The following VOPP1 variants were observed in gnomAD, a reference collection of about 807,000 sequenced individuals.
The protein encoded by VOPP1 is WW domain binding protein VOPP1.
In VOPP1, 8 loss-of-function variants were observed where a neutral mutation model predicts 23.5. That is an observed-to-expected ratio of 0.34 (90% CI 0.20 to 0.61). The LOEUF (loss-of-function observed/expected upper bound fraction) is 0.61, where lower values mean the gene tolerates loss of function less well. VOPP1 is among the 20% of genes least tolerant of loss of function. The pLI is 0.78. For missense variants in VOPP1, 174 were observed against 238.1 expected (o/e 0.73, Z 1.77); for synonymous variants, 83 against 97.3 (o/e 0.85, Z 0.86).
chr7:55,479,761 C>G (rs1792563181), intron 4 of VOPP1, among the ~76,000 whole-genome samples: 1 of 152,164 alleles, frequency 6.6e-6, no homozygotes, highest in South Asian at 2.1e-4. Flanking sequence ...TGCAACATCT[C>G]CCGTTCAAAA....
chr7:55,543,384 T>C (rs1608746), intron 1 of VOPP1, among the ~76,000 whole-genome samples: 143,422 of 152,282 alleles, frequency 0.94, 67,927 homozygotes, highest in East Asian at 1. Context: ...ATGCTCATGT[T>C]CTTCCTTGGA....
intron 4 of VOPP1, among the ~76,000 whole-genome samples, chr7:55,447,273 C>T (rs892067060): frequency 1.3e-5 from 2 of 152,156 alleles, no homozygotes; most frequent in Admixed American, 6.5e-5. Context: ...TATCCTGATT[C>T]GGATTGGGGA....
At chr7:55,458,981 T>C (rs981324183) in intron 4 of VOPP1, among the ~76,000 whole-genome samples, 2 of 152,188 alleles carry the variant, frequency 1.3e-5, no homozygotes, top group Non-Finnish European at 2.9e-5. Flanking sequence ...TCTTTCAGCT[T>C]TTCCCCATTT....
chr7:55,549,559 A>G (rs536098753), intron 1 of VOPP1, among the ~76,000 whole-genome samples: 2 of 152,238 alleles, frequency 1.3e-5, no homozygotes, highest in South Asian at 4.2e-4. Flanking sequence ...TCTGCTCCAC[A>G]TTCAGCCATC....
At chr7:55,537,402 G>A (rs2129049288) in intron 1 of VOPP1, 5 of 1,483,982 alleles carry the variant, frequency 3.4e-6, no homozygotes, top group South Asian at 2.4e-5. Flanking sequence ...CCTTCTGGAG[G>A]TAACACATAA....
chr7:55,475,484 C>T (rs1316421681), intron 4 of VOPP1, among the ~76,000 whole-genome samples: 1 of 152,150 alleles, frequency 6.6e-6, no homozygotes, highest in African/African-American at 2.4e-5. Context: ...GACCAAAAGC[C>T]TCAAGGACGA....
intron 2 of VOPP1, among the ~76,000 whole-genome samples, chr7:55,511,093 C>T (rs575082576): frequency 5.1e-4 from 78 of 152,274 alleles, no homozygotes; most frequent in African/African-American, 1.8e-3. Context: ...GGTTTCAGAA[C>T]CTTGTAAAGG....
At chr7:55,468,004 T>C (rs112762867), downstream of VOPP1, among the ~76,000 whole-genome samples, 146 of 152,312 alleles carry the variant, frequency 9.6e-4, no homozygotes, top group African/African-American at 3.2e-3. Flanking sequence ...CTGGGGGCAG[T>C]GGCTCACGCC....
rs572491859 is a variant in VOPP1, at chr7:55,481,214, T to C, written c.329-8169A>G. On this transcript the variant is annotated intron_variant, in intron 4 of 4. Coordinates refer to ENST00000285279, the MANE Select transcript of VOPP1 (RefSeq NM_030796.5). ...TCAGGACAAGTCACAGGCCAGTGAG[T>C]GGCAGCAGGGGAGTGAGCCAGGAGG... Among the ~76,000 whole-genome samples the C allele has an allele frequency of 8.1e-4, 123 of 152,032 alleles. 1 individual carries two copies. The highest frequency in any genetic ancestry group is 1.1e-3 in the Non-Finnish European group (76 of 67,954).
rs534659986 is a variant in VOPP1, at chr7:55,509,085, T to C, written c.114-11395A>G. Among the ~76,000 whole-genome samples, 10 of 152,230 alleles carry C rather than the reference T, an allele frequency of 6.6e-5. No individual in the cohort carries two copies. The East Asian group carries it at 1.7e-3, about 26-fold the overall frequency. On this transcript the variant is annotated intron_variant, in intron 2 of 4. Coordinates refer to ENST00000285279, the MANE Select transcript of VOPP1 (RefSeq NM_030796.5). ...TAATTTTATAATAAATTTCCTATCA[T>C]TGAAATCACACAGGCATGATAAATA...
chr7:55,468,997 C>T (rs1359469281), downstream of VOPP1, among the ~76,000 whole-genome samples: 1 of 152,156 alleles, frequency 6.6e-6, no homozygotes, highest in African/African-American at 2.4e-5. Flanking sequence ...AGAAAAGGTA[C>T]ACTAGTTTTT....
At chr7:55,516,657 A>C (rs995121627) in intron 2 of VOPP1, among the ~76,000 whole-genome samples, 1 of 152,096 alleles carries the variant, frequency 6.6e-6, no homozygotes, top group African/African-American at 2.4e-5. Flanking sequence ...TCTCTACAAC[A>C]AGTTTGCAAC....
At chr7:55,462,646 CTT>C (rs1216673423) in intron 4 of VOPP1, among the ~76,000 whole-genome samples, 1 of 145,970 alleles carries the variant, frequency 6.9e-6, no homozygotes, top group Non-Finnish European at 1.5e-5. Flanking sequence ...TGTTGAAACT[CTT>C]GATTATATTT....
intron 4 of VOPP1, among the ~76,000 whole-genome samples, chr7:55,492,072 CTG>C (rs1278774815): frequency 1.3e-5 from 2 of 152,152 alleles, no homozygotes; most frequent in Non-Finnish European, 2.9e-5. Context: ...ACACTGATAA[CTG>C]TAAGAATATG....
intron 4 of VOPP1, among the ~76,000 whole-genome samples, chr7:55,443,594 T>G (rs1277073146): frequency 6.7e-6 from 1 of 150,204 alleles, no homozygotes; most frequent in African/African-American, 2.4e-5. Context: ...AGAAAACAGA[T>G]AAATGTAAAT....
At chr7:55,450,428 C>G (rs1402599292) in intron 4 of VOPP1, among the ~76,000 whole-genome samples, 1 of 152,164 alleles carries the variant, frequency 6.6e-6, no homozygotes, top group African/African-American at 2.4e-5. Context: ...CCAGCGCTAC[C>G]AGCTCTTATA....
intron 4 of VOPP1, among the ~76,000 whole-genome samples, chr7:55,476,334 C>A (rs112171502): frequency 0.012 from 1,789 of 152,018 alleles, 13 homozygotes; most frequent in Admixed American, 0.021. Context: ...AGTGAGCTGG[C>A]CCAGCCCCAC....
chr7:55,523,380 A>G (rs1380433080), intron 1 of VOPP1, among the ~76,000 whole-genome samples: 1 of 151,182 alleles, frequency 6.6e-6, no homozygotes, highest in Non-Finnish European at 1.5e-5. Context: ...ATACCAATAC[A>G]TTTTTTTTTC....
At chr7:55,567,714 C>T (rs1406199769) in intron 1 of VOPP1, among the ~76,000 whole-genome samples, 2 of 152,220 alleles carry the variant, frequency 1.3e-5, no homozygotes, top group South Asian at 2.1e-4. Flanking sequence ...TCATTTATTG[C>T]TGCCACTTCT....
Sources: gnomAD v4.1 joint callset for allele counts (sites outside exome capture counted in the v4.1 genomes callset) on GRCh38, gnomAD v4.1.1 for gene constraint, MANE v1.5 for transcripts, NCBI Gene and HGNC (gene_info 2026-07-23, HGNC 2026-07-21) for gene names.